Variants in RGPD2 observed in about 807,000 individuals in gnomAD.
The protein encoded by RGPD2 is RANBP2-like and GRIP domain-containing protein 2.
RGPD2 carries 2 observed loss-of-function variants against 36.0 expected under a neutral mutation model. The ratio of observed to expected loss-of-function variants is 0.06; its 90% CI spans 0.02 to 0.17. The LOEUF is 0.17. Ranked by LOEUF, RGPD2 falls within the 10% of genes least tolerant of loss-of-function variation. RGPD2 has a pLI of 1.00. For synonymous variants in RGPD2, 19 were observed against 163.8 expected, an observed-to-expected ratio of 0.12 and a Z score of 6.75; for missense variants, 40 against 464.3, an observed-to-expected ratio of 0.09 and a Z score of 8.40.
At chr2:87,986,545 C>T in the RGPD2 span, among the ~76,000 whole-genome samples, 3 of 152,064 alleles carry the variant, frequency 2.0e-5, no homozygotes, top group Admixed American at 2.0e-4. Flanking sequence ...CTAACTGCTC[C>T]CCTTCACTCT....
the RGPD2 span, among the ~76,000 whole-genome samples, chr2:87,866,713 G>A: frequency 5.3e-5 from 8 of 152,272 alleles, no homozygotes; most frequent in South Asian, 1.7e-3. Context: ...GTCTGCACAT[G>A]TGGGGCGAGG....
Position 87,825,723 on chromosome 2 carries a change from G to T in RGPD2, c.7C>A (p.Arg3Ser). The T allele has an allele frequency of 6.2e-7, 1 of 1,600,058 alleles. No homozygotes were observed. The highest frequency in any genetic ancestry group is 8.5e-7 in the Non-Finnish European group (1 of 1,173,934). MR[R>S]SKAYGERYLA... Reference sequence around the variant, plus strand: ...TACCGCTCCCCGTAGGCTTTGCTGCGCCTCATCGCACCGCCAACCTGGCTC... The same window carrying T: ...TACCGCTCCCCGTAGGCTTTGCTGCTCCTCATCGCACCGCCAACCTGGCTC... The change falls in exon 1 of 23, where the codon CGC becomes AGC. Residue 3 changes from arginine (R) to serine (S), a missense_variant. Coordinates refer to ENST00000398146, the MANE Select transcript of RGPD2 (RefSeq NM_001078170.3).
chr2:87,913,286 C>T, the RGPD2 span, among the ~76,000 whole-genome samples: 12 of 151,110 alleles, frequency 7.9e-5, no homozygotes, highest in East Asian at 2.0e-4. Context: ...AGCAAACTAT[C>T]ACAAGGACAA....
At chr2:87,965,670 TA>T in the RGPD2 span, among the ~76,000 whole-genome samples, 7 of 141,138 alleles carry the variant, frequency 5.0e-5, no homozygotes, top group African/African-American at 1.7e-4. Flanking sequence ...CTAACTTGCA[TA>T]TACACATAAT....
chr2:87,963,658 T>G, the RGPD2 span, among the ~76,000 whole-genome samples: 1 of 62,954 alleles, frequency 1.6e-5, no homozygotes, highest in African/African-American at 1.1e-4. Context: ...CCAGCTTAGG[T>G]GACAGAGAAA....
At chr2:87,988,549 T>A in the RGPD2 span, among the ~76,000 whole-genome samples, 43 of 39,242 alleles carry the variant, frequency 1.1e-3, no homozygotes, top group East Asian at 2.1e-3. Context: ...ATATTTTTTT[T>A]TTTTCTTTTG....
the RGPD2 span, among the ~76,000 whole-genome samples, chr2:87,883,602 A>C: frequency 5.3e-5 from 8 of 151,938 alleles, no homozygotes; most frequent in Non-Finnish European, 1.2e-4. Context: ...ACTCATATTA[A>C]AAGTGAATTG....
At chr2:87,916,122 C>G in the RGPD2 span, among the ~76,000 whole-genome samples, 2 of 152,214 alleles carry the variant, frequency 1.3e-5, no homozygotes, top group African/African-American at 2.4e-5. Context: ...CTAATCACAC[C>G]AAGAAGCAAG....
At chr2:87,947,861 CT>C in the RGPD2 span, among the ~76,000 whole-genome samples, 2 of 152,294 alleles carry the variant, frequency 1.3e-5, no homozygotes, top group Admixed American at 1.3e-4. Flanking sequence ...CATCTTCCCA[CT>C]GCACGTATTT....
At chr2:87,857,838 T>C in the RGPD2 span, among the ~76,000 whole-genome samples, 19 of 151,654 alleles carry the variant, frequency 1.3e-4, no homozygotes, top group African/African-American at 4.4e-4. Context: ...TGGTTGCATA[T>C]GTACATTCAC....
intron 1 of RGPD2, among the ~76,000 whole-genome samples, chr2:87,821,972 CTTTT>C (rs1166675454): frequency 6.9e-6 from 1 of 145,818 alleles, no homozygotes; most frequent in Non-Finnish European, 1.5e-5. Context: ...ATTTCTCTCT[CTTTT>C]TTTTTAATTC....
chr2:87,983,406 T>A, the RGPD2 span, among the ~76,000 whole-genome samples: 1 of 127,330 alleles, frequency 7.9e-6, no homozygotes. Flanking sequence ...TTCCTTCATG[T>A]GCTGAAATAG....
chr2:87,968,349 G>A, the RGPD2 span, among the ~76,000 whole-genome samples: 1 of 151,260 alleles, frequency 6.6e-6, no homozygotes, highest in African/African-American at 2.4e-5. Flanking sequence ...GCCAAAGCGG[G>A]CAGATCGCTT....
At chr2:87,930,731 T>C in the RGPD2 span, among the ~76,000 whole-genome samples, 1 of 151,222 alleles carries the variant, frequency 6.6e-6, no homozygotes, top group Non-Finnish European at 1.5e-5. Flanking sequence ...TATTACTGTC[T>C]CAATTTCAGA....
At chr2:87,883,473 C>CA in the RGPD2 span, among the ~76,000 whole-genome samples, 7 of 150,144 alleles carry the variant, frequency 4.7e-5, no homozygotes, top group Non-Finnish European at 7.4e-5. Context: ...TAAACAATTA[C>CA]AAAAAAAAAG....
At chr2:87,843,780 C>G in the RGPD2 span, among the ~76,000 whole-genome samples, 1 of 152,046 alleles carries the variant, frequency 6.6e-6, no homozygotes, top group East Asian at 1.9e-4. Flanking sequence ...TATTGTGGCA[C>G]TATTCACAAT....
Position 87,825,722 on chromosome 2 carries a change from C to A in RGPD2, c.8G>T (p.Arg3Leu). 3 of 1,599,716 alleles carry A rather than the reference C, an allele frequency of 1.9e-6. No individual in the cohort carries two copies. Among genetic ancestry groups the A allele is most frequent in the South Asian group, 1.1e-5 (1 of 88,934 alleles). The change falls in exon 1 of 23, where the codon CGC (arginine) becomes CTC (leucine). Residue 3 changes from arginine (R) to leucine (L), a missense_variant. By Grantham distance (102) the Arg-to-Leu change is moderately radical. Transcript: ENST00000398146. ...GTACCGCTCCCCGTAGGCTTTGCTGCGCCTCATCGCACCGCCAACCTGGCT... is the reference window on the plus strand; with the variant it reads ...GTACCGCTCCCCGTAGGCTTTGCTGAGCCTCATCGCACCGCCAACCTGGCT... The part of the protein sequence containing the change: MR[R>L]SKAYGERYLA...
At chr2:87,891,222 AAAAC>A in the RGPD2 span, among the ~76,000 whole-genome samples, 8 of 45,404 alleles carry the variant, frequency 1.8e-4, no homozygotes, top group African/African-American at 1.9e-4. Flanking sequence ...CAAAAGAAGA[AAAAC>A]AAACAAACAA....
intron 1 of RGPD2, among the ~76,000 whole-genome samples, chr2:87,825,402 C>CG (rs1371206381): frequency 7.7e-6 from 1 of 130,464 alleles, no homozygotes; most frequent in African/African-American, 3.0e-5. Flanking sequence ...GCCGCCCGGC[C>CG]AGGCCGAGGC....
Sources: gnomAD v4.1 joint callset for allele counts (sites outside exome capture counted in the v4.1 genomes callset) on GRCh38, gnomAD v4.1.1 for gene constraint, MANE v1.5 for transcripts, NCBI Gene and HGNC (gene_info 2026-07-23, HGNC 2026-07-21) for gene names.